Variants in SLC23A3 observed in about 807,000 individuals in gnomAD.
The protein encoded by SLC23A3 is solute carrier family 23 member 3, also known as E2-binding protein 3.
Under a neutral mutation model 64.7 loss-of-function variants are expected in SLC23A3, and 41 were observed. The observed-to-expected ratio is 0.63, with a 90% CI of 0.49 to 0.82. The LOEUF (loss-of-function observed/expected upper bound fraction) is 0.82. Among genes scored for constraint, SLC23A3 ranks in the 40% least tolerant of loss-of-function variants. The pLI is 0.00. For missense variants in SLC23A3, 647 were observed against 733.4 expected, an observed-to-expected ratio of 0.88 and a Z score of 1.36; for synonymous variants, 281 against 306.8, an observed-to-expected ratio of 0.92 and a Z score of 0.88.
Position 219,168,184 on chromosome 2 carries a change from C to T in SLC23A3, c.798+11G>A. On this transcript the variant is annotated intron_variant, in intron 6 of 11. Transcript: ENST00000409878. The stretch of plus-strand genomic sequence containing the variant: ...TCTGACCTCTACTGCCCTGCCCAGA[C>T]CCACACATACCGAAAGGAGCCGGAA... 1.2e-6 allele frequency: 2 copies of T among 1,613,364 alleles called. No individual in the cohort carries two copies. Among genetic ancestry groups the T allele is most frequent in the Non-Finnish European group, 1.7e-6 (2 of 1,179,574 alleles).
chr2:219,164,428 C>A, intron 8 of SLC23A3, 90 bp from the exon 9 acceptor site: 1 of 837,356 alleles, frequency 1.2e-6, no homozygotes, highest in Non-Finnish European at 1.9e-6. Flanking sequence ...TCATTTGGAT[C>A]CCAGCTCAAA....
intron 8 of SLC23A3, chr2:219,164,549 ACTTTT>A: frequency 2.1e-6 from 1 of 480,404 alleles, no homozygotes; most frequent in Non-Finnish European, 3.7e-6. Flanking sequence ...AATTTTCTTC[ACTTTT>A]CTTTTTTTAA....
Position 219,169,926 on chromosome 2 carries a change from A to G in SLC23A3, c.59T>C (p.Leu20Pro), listed in dbSNP as rs1196418136. 1 of 1,613,964 alleles carries G rather than the reference A, an allele frequency of 6.2e-7. No individual in the cohort carries two copies. Among genetic ancestry groups the G allele is most frequent in the East Asian group, 2.2e-5 (1 of 44,882 alleles). ...GGGAGCAGGTGGAGGCAAGGGGGCCAGGGCATCCTGGGAGCCCACTGATCG... is the reference window on the plus strand; with the variant it reads ...GGGAGCAGGTGGAGGCAAGGGGGCCGGGGCATCCTGGGAGCCCACTGATCG... ...QLRSVGSQDA[L>P]APLPPPAPQN... The change falls in exon 1 of 12, where the codon CTG becomes CCG. Residue 20 changes from leucine to proline, a missense_variant. Leu to Pro is a moderately conservative substitution (Grantham distance 98, BLOSUM62 -3). Coordinates refer to ENST00000409878, the MANE Select transcript of SLC23A3 (RefSeq NM_001144889.2). This position sits in a 1 kb window ranked among gnomAD's most constrained non-coding sequence, Gnocchi z 4.5.
intron 9 of SLC23A3, 129 bp downstream of exon 9, chr2:219,164,104 A>C (rs1483207270): frequency 1.5e-6 from 1 of 652,700 alleles, no homozygotes; most frequent in African/African-American, 1.8e-5. Context: ...ATATCCATCC[A>C]TCCATCCATC....
chr2:219,164,626 C>T (rs1949987079), intron 8 of SLC23A3: 2 of 308,096 alleles, frequency 6.5e-6, no homozygotes, highest in Non-Finnish European at 6.0e-6. Flanking sequence ...GTGGTGCGGT[C>T]TCGGCTCACA....
Position 219,168,203 on chromosome 2 carries a change from G to A in SLC23A3, c.790C>T (p.Leu264Phe). The change falls in exon 6 of 12, where the codon CTC becomes TTC. Residue 264 changes from leucine to phenylalanine, a missense_variant. By Grantham distance (22) the Leu-to-Phe change is conservative. Transcript: ENST00000409878. ...CCCAGACCCACACATACCGAAAGGA[G>A]CCGGAAGACAGGGAGAGGAGTGTGA... ...STHTPLPVFR[L>F]LSVLIPVACV... is the part of the protein sequence containing the mutation. 6.2e-7 allele frequency: 1 copy of A among 1,614,036 alleles called. No individual in the cohort carries two copies. Among genetic ancestry groups the A allele is most frequent in the East Asian group, 2.2e-5 (1 of 44,878 alleles).
At position 219,169,463 on chromosome 2, in the gene SLC23A3, C is replaced by T; in HGVS notation, c.321-57G>A. ...ACTATGTGGCAGCCAGCAAGGCTCC[C>T]CCAAACCTCTCCTACCCTCCAGGAC... On this transcript the variant is annotated intron_variant, in intron 2 of 11. Coordinates refer to ENST00000409878, the MANE Select transcript of SLC23A3 (RefSeq NM_001144889.2). The surrounding 1 kb of genome is among the most constrained non-coding windows in gnomAD (Gnocchi z 4.5). 1 of 1,613,604 alleles carries T rather than the reference C, an allele frequency of 6.2e-7. No homozygotes were observed. Among genetic ancestry groups the T allele is most frequent in the Non-Finnish European group, 8.5e-7 (1 of 1,179,694 alleles).
At position 219,163,402 on chromosome 2, in the gene SLC23A3, A is replaced by C; in HGVS notation, c.1427T>G (p.Val476Gly). ...LLPRWFREAPVLFSTGWSPLD... is the reference protein window; with the variant it reads ...LLPRWFREAPGLFSTGWSPLD... ...CTTCCACCTACCTGTGCTGAACAGG[A>C]CTGGGGCTTCCCGAAACCATCTTGG... Residue 476 changes from valine (V) to glycine (G), a missense_variant, in exon 10 of 12, where the codon GTC (valine) becomes GGC (glycine). Coordinates refer to ENST00000409878, the MANE Select transcript of SLC23A3 (RefSeq NM_001144889.2). The C allele has an allele frequency of 6.2e-7, 1 of 1,614,226 alleles. No individual in the cohort carries two copies.
At position 219,169,261 on chromosome 2, in the gene SLC23A3, A is replaced by G. The variant is rs1950037227; in HGVS notation, c.418+48T>C. The G allele has an allele frequency of 6.2e-7, 1 of 1,613,708 alleles. No homozygotes were observed. Among genetic ancestry groups the G allele is most frequent in the East Asian group, 2.2e-5 (1 of 44,882 alleles). ...CACCCACCTACACCTGCATGCTCAG[A>G]TGAGAACCCAGCCCCACCCTTACCC... On this transcript the variant is annotated intron_variant, in intron 3 of 11. Transcript: ENST00000409878. This position sits in a 1 kb window ranked among gnomAD's most constrained non-coding sequence, Gnocchi z 4.5.
intron 5 of SLC23A3, 81 bp from the exon 6 acceptor site, chr2:219,168,399 C>G (rs1341130037): frequency 9.7e-6 from 14 of 1,448,252 alleles, no homozygotes; most frequent in South Asian, 5.5e-5. Context: ...GGCAGAATAT[C>G]ATAAGAGCGG....
chr2:219,166,057 C>T (rs1182155200), intron 7 of SLC23A3, among the ~76,000 whole-genome samples: 2 of 151,800 alleles, frequency 1.3e-5, no homozygotes, highest in Non-Finnish European at 2.9e-5. Context: ...CACTTGAACC[C>T]GGAAGGCGGA....
Position 219,161,982 on chromosome 2 carries a change from A to G in SLC23A3, c.1760T>C (p.Met587Thr), listed in dbSNP as rs748124345. 6.2e-7 allele frequency: 1 copy of G among 1,612,368 alleles called. No individual in the cohort carries two copies. The highest frequency in any genetic ancestry group is 8.5e-7 in the Non-Finnish European group (1 of 1,178,880). ...CCCTGAGCCAGGCAGCAAGTCTGCC[A>G]TCTCTTCTGGCTCAGAGGAGCCTCC... The part of the protein sequence containing the change: ...EEGGSSEPEE[M>T]ADLLPGSGEP... The change falls in exon 12 of 12, where the codon ATG becomes ACG. Residue 587 changes from methionine to threonine, a missense_variant. Coordinates refer to ENST00000409878, the MANE Select transcript of SLC23A3 (RefSeq NM_001144889.2).
intron 8 of SLC23A3, chr2:219,164,800 C>T: frequency 3.6e-6 from 1 of 276,958 alleles, no homozygotes; most frequent in Non-Finnish European, 6.8e-6. Flanking sequence ...CCTAAGTGAT[C>T]TGCCTGCCTC....
chr2:219,167,415 CGGGGGTTACAGAAACAACAGATGTCTGT>C (rs1173061406), intron 7 of SLC23A3, among the ~76,000 whole-genome samples: 2 of 152,038 alleles, frequency 1.3e-5, no homozygotes, highest in Non-Finnish European at 2.9e-5. Flanking sequence ...TAGTGAGTAT[CGGGGGTTACAGAAACAACAGATGTCTGT>C]CTCCTAACAC....
At position 219,167,568 on chromosome 2, in the gene SLC23A3, A is replaced by G. The variant is rs988682157; in HGVS notation, c.913+362T>C. Among the ~76,000 whole-genome samples, 5 of 134,264 alleles carry G rather than the reference A, an allele frequency of 3.7e-5. No homozygotes were observed. The South Asian group carries it at 1.2e-3, about 32-fold the overall frequency. The allele number at this position is 134,264 out of a possible 152,430, so 88.1% of individuals were successfully genotyped here. ...GGAGTTTGAGACCAGCCTGGGCAAC[A>G]TGGTGAAACCCTGTCTCTACAAAAA... On this transcript the variant is annotated intron_variant, in intron 7 of 11. Coordinates refer to ENST00000409878, the MANE Select transcript of SLC23A3 (RefSeq NM_001144889.2).
rs1317139701 is a variant in SLC23A3, at chr2:219,169,909, G to T, written c.76C>A (p.Pro26Thr). The T allele has an allele frequency of 6.2e-7, 1 of 1,613,792 alleles. No individual in the cohort carries two copies. The highest frequency in any genetic ancestry group is 2.2e-5 in the East Asian group (1 of 44,886). ...TGGGTGGAGGGATTCTGGGGAGCAG[G>T]TGGAGGCAAGGGGGCCAGGGCATCC... ...SQDALAPLPP[P>T]APQNPSTHSW... Residue 26 changes from proline (P) to threonine (T), a missense_variant, in exon 1 of 12, where the codon CCT (proline) becomes ACT (threonine). Physicochemically the swap from Pro to Thr is conservative, Grantham distance 38. Transcript: ENST00000409878. The surrounding 1 kb of genome is among the most constrained non-coding windows in gnomAD (Gnocchi z 4.5).
rs774395467 is a variant in SLC23A3, at chr2:219,167,984, G to T, written c.859C>A (p.Pro287Thr). ...VSAFVGFSVI[P>T]QELSAPTKAP... ...TTGGTGGGGGCAGACAGTTCCTGGGGGATAACACTGAATCCCACAAAGGCA... is the reference window on the plus strand; with the variant it reads ...TTGGTGGGGGCAGACAGTTCCTGGGTGATAACACTGAATCCCACAAAGGCA... The change falls in exon 7 of 12, where the codon CCC becomes ACC. Residue 287 changes from proline to threonine, a missense_variant. Transcript: ENST00000409878. The T allele has an allele frequency of 2.5e-6, 4 of 1,590,546 alleles. No homozygotes were observed. The South Asian group carries it at 4.6e-5, about 18-fold the overall frequency.
At chr2:219,163,772 G>A (rs957737917) in intron 9 of SLC23A3, among the ~76,000 whole-genome samples, 4 of 151,854 alleles carry the variant, frequency 2.6e-5, no homozygotes, top group Non-Finnish European at 5.9e-5. Flanking sequence ...TCGGCTCACT[G>A]CAACCTCCGC....
chr2:219,164,942 C>G (rs1949989641), intron 8 of SLC23A3: 1 of 568,844 alleles, frequency 1.8e-6, no homozygotes, highest in African/African-American at 1.9e-5. Context: ...CTTTATGTGA[C>G]TGGTTCTTTG....
Sources: gnomAD v4.1 joint callset for allele counts (sites outside exome capture counted in the v4.1 genomes callset) on GRCh38, gnomAD v4.1.1 for gene constraint, Gnocchi (gnomAD v3.1) non-coding constraint, MANE v1.5 for transcripts, NCBI Gene and HGNC (gene_info 2026-07-23, HGNC 2026-07-21) for gene names.